Variants in CFAP57 observed in about 807,000 individuals in gnomAD.
The protein encoded by CFAP57 is cilia and flagella associated protein 57, also known as cilia- and flagella-associated protein 57.
CFAP57 carries 116 observed loss-of-function variants against 146.8 expected under a neutral mutation model. That is an observed-to-expected ratio of 0.79 (90% CI 0.68 to 0.92). The LOEUF (loss-of-function observed/expected upper bound fraction) is 0.92, where lower values mean the gene tolerates loss of function less well. Among genes scored for constraint, CFAP57 ranks in the 40% least tolerant of loss-of-function variants. CFAP57 has a pLI of 0.00. For missense variants in CFAP57, 1,377 were observed against 1,527.2 expected (o/e 0.90, Z 1.64); for synonymous variants, 518 against 552.8 (o/e 0.94, Z 0.88).
In CFAP57 at chr1:43,174,371, AATT is replaced by A. The variant is rs919687240; in HGVS notation, c.157+1469_157+1471del. 4.3e-4 allele frequency among the ~76,000 whole-genome samples: 65 copies of A among 152,334 alleles called. 1 individual carries two copies. The highest frequency in any genetic ancestry group is 6.8e-3 in the Middle Eastern group (2 of 294). On this transcript the variant is annotated intron_variant, in intron 2 of 22. Coordinates refer to ENST00000372492, the MANE Select transcript of CFAP57 (RefSeq NM_001378189.1). ...ATGTTTATTTCCAGCATATTTGCTA[AATT>A]ATTATTAATTCTAATGATTTGTCTA...
At chr1:43,228,049 G>A (rs1054412271) in intron 18 of CFAP57, among the ~76,000 whole-genome samples, 1 of 152,104 alleles carries the variant, frequency 6.6e-6, no homozygotes, top group African/African-American at 2.4e-5. Flanking sequence ...TATCTGGACT[G>A]GACTCCAGCC....
chr1:43,230,857 G>T (rs915396393), intron 18 of CFAP57, among the ~76,000 whole-genome samples: 44 of 152,188 alleles, frequency 2.9e-4, no homozygotes, highest in Non-Finnish European at 5.6e-4. Context: ...GAGGCCTCTT[G>T]AAGGCAGAAA....
chr1:43,192,741 A>G (rs991772812), intron 6 of CFAP57, among the ~76,000 whole-genome samples: 1 of 150,812 alleles, frequency 6.6e-6, no homozygotes, highest in Non-Finnish European at 1.5e-5. Context: ...CCTGACCAAC[A>G]TGGCGAAACC....
intron 12 of CFAP57, among the ~76,000 whole-genome samples, chr1:43,215,785 G>A (rs1191445956): frequency 6.6e-6 from 1 of 152,216 alleles, no homozygotes; most frequent in African/African-American, 2.4e-5. Flanking sequence ...ATTTACAAAA[G>A]TAAAGTATGT....
chr1:43,253,842 C>T, intron 22 of CFAP57, 135 bp from the exon 23 acceptor site: 1 of 746,760 alleles, frequency 1.3e-6, no homozygotes, highest in South Asian at 1.8e-5. Flanking sequence ...TATCACTGTA[C>T]CTCCAGCATC....
intron 3 of CFAP57, 67 bp downstream of exon 3, chr1:43,181,917 T>C (rs554846562): frequency 6.5e-7 from 1 of 1,542,020 alleles, no homozygotes; most frequent in Admixed American, 1.7e-5. Context: ...TTGAATGTTT[T>C]CTGTGTACCA....
intron 21 of CFAP57, among the ~76,000 whole-genome samples, chr1:43,236,429 C>T (rs1335007476): frequency 1.3e-5 from 2 of 151,896 alleles, no homozygotes; most frequent in Admixed American, 1.3e-4. Context: ...TCCACCACTC[C>T]TCTGCCAGGA....
intron 22 of CFAP57, among the ~76,000 whole-genome samples, chr1:43,247,894 C>T (rs1337748624): frequency 6.6e-6 from 1 of 151,994 alleles, no homozygotes; most frequent in East Asian, 1.9e-4. Flanking sequence ...GGGAGGCCAA[C>T]GTGGGTGGAT....
chr1:43,225,129 G>C (rs1418284881), intron 17 of CFAP57, among the ~76,000 whole-genome samples: 1 of 152,076 alleles, frequency 6.6e-6, no homozygotes, highest in East Asian at 1.9e-4. Flanking sequence ...TTCTCAAAGG[G>C]GGCTTTGACA....
At chr1:43,231,944 T>C (rs1261554756) in intron 18 of CFAP57, 8 of 519,152 alleles carry the variant, frequency 1.5e-5, no homozygotes, top group Admixed American at 3.4e-5. Context: ...TTCTCAGTTG[T>C]ACTTTTTAAG....
chr1:43,209,439 T>TGCAACATGG, intron 10 of CFAP57, among the ~76,000 whole-genome samples: 1 of 152,310 alleles, frequency 6.6e-6, no homozygotes. Context: ...TTGAATGAGT[T>TGCAACATGG]GCAACATGGA....
intron 2 of CFAP57, among the ~76,000 whole-genome samples, chr1:43,178,093 A>T (rs942735503): frequency 6.6e-6 from 1 of 152,254 alleles, no homozygotes; most frequent in Non-Finnish European, 1.5e-5. Context: ...ATATGTAGAA[A>T]GCTGAAACCG....
At chr1:43,184,973 G>T in intron 4 of CFAP57, 176 bp from the exon 5 acceptor site, 1 of 671,832 alleles carries the variant, frequency 1.5e-6, no homozygotes, top group Non-Finnish European at 2.6e-6. Context: ...TTCTAGGCTT[G>T]GCCATGTGCA....
intron 2 of CFAP57, among the ~76,000 whole-genome samples, chr1:43,179,500 G>A (rs934847354): frequency 6.6e-6 from 1 of 152,192 alleles, no homozygotes; most frequent in African/African-American, 2.4e-5. Flanking sequence ...GTATTGTAGT[G>A]GAGGCAGGTT....
At chr1:43,234,470 C>T in intron 20 of CFAP57, 25 bp from the exon 21 acceptor site, 2 of 1,543,064 alleles carry the variant, frequency 1.3e-6, no homozygotes, top group Non-Finnish European at 8.8e-7. Flanking sequence ...CTCTCCCTCA[C>T]TGAGAATCTC....
intron 18 of CFAP57, among the ~76,000 whole-genome samples, chr1:43,230,354 C>T (rs1427839413): frequency 6.6e-6 from 1 of 152,118 alleles, no homozygotes; most frequent in Non-Finnish European, 1.5e-5. Context: ...TCTGCCTGGC[C>T]CCCGTCTTGC....
At chr1:43,210,578 A>G in intron 11 of CFAP57, 1 of 264,988 alleles carries the variant, frequency 3.8e-6, no homozygotes, top group Non-Finnish European at 6.1e-6. Context: ...AACCACAAAA[A>G]GATAAGTACA....
At position 43,185,101 on chromosome 1, in the gene CFAP57, C is replaced by T. The variant is rs368086615; in HGVS notation, c.762-48C>T. ...TTCTCCTCCCCAGCAGAATTCATCT[C>T]CTCAAGATTGTCTCTATAAATTATG... is the stretch of plus-strand genomic sequence containing the variant. On this transcript the variant is annotated intron_variant, in intron 4 of 22. Transcript: ENST00000372492. 4.4e-6 allele frequency: 7 copies of T among 1,597,014 alleles called. No homozygotes were observed. The African/African-American group carries it at 8.0e-5, about 18-fold the overall frequency.
rs757319717 is a variant in CFAP57 at position 43,234,340 on chromosome 1, A to G, written c.3188A>G (p.Tyr1063Cys). The G allele has an allele frequency of 8.4e-6, 13 of 1,550,340 alleles. No homozygotes were observed. The highest frequency in any genetic ancestry group is 1.0e-5 in the Non-Finnish European group (12 of 1,146,930). The change falls in exon 20 of 23, where the codon TAT becomes TGT. Residue 1063 changes from tyrosine (Y) to cysteine (C), a missense_variant. Physicochemically the swap from Tyr to Cys is radical, Grantham distance 194. Transcript: ENST00000372492. ...ACAGACCTCCACAACTGCGTAGCCT[A>G]TATTCAGGAACCGCGGCTGCTGAAG... ...FKTDLHNCVA[Y>C]IQEPRLLKEK...
Sources: allele counts gnomAD v4.1 joint callset (sites outside exome capture counted in the v4.1 genomes callset), GRCh38; gene constraint gnomAD v4.1.1; transcripts MANE v1.5; gene names NCBI Gene and HGNC (gene_info 2026-07-23, HGNC 2026-07-21).